The following SHROOM2 variants were observed in gnomAD, a reference collection of about 807,000 sequenced individuals.
SHROOM2 encodes shroom family member 2, also known as protein Shroom2.
A neutral mutation model predicts 75.9 loss-of-function variants in SHROOM2; 33 were observed. That is an observed-to-expected ratio of 0.43 (90% CI 0.33 to 0.58). The LOEUF (loss-of-function observed/expected upper bound fraction) is 0.58, where lower values mean the gene tolerates loss of function less well. Ranked by LOEUF, SHROOM2 falls within the 20% of genes least tolerant of loss-of-function variation. SHROOM2 has a pLI of 0.04. For missense variants in SHROOM2, 1,434 were observed against 1,461.2 expected, an observed-to-expected ratio of 0.98 and a Z score of 0.30; for synonymous variants, 655 against 663.6, an observed-to-expected ratio of 0.99 and a Z score of 0.20.
chrX:9,897,701 G>T (rs866708270), intron 4 of SHROOM2, among the ~76,000 whole-genome samples: 781 of 43,396 alleles, frequency 0.018, 21 homozygotes, highest in African/African-American at 0.055. Flanking sequence ...AAAAAAAAAA[G>T]AACCACTAGT....
At chrX:9,836,042 C>T (rs2083942410) in intron 1 of SHROOM2, among the ~76,000 whole-genome samples, 1 of 112,186 alleles carries the variant, frequency 8.9e-6, no homozygotes, top group Admixed American at 9.5e-5. Context: ...CTTTCCTGAG[C>T]CACGTACAGC....
chrX:9,842,853 G>C (rs2083986612), intron 1 of SHROOM2, among the ~76,000 whole-genome samples: 1 of 111,447 alleles, frequency 9.0e-6, no homozygotes, highest in Admixed American at 9.5e-5. Flanking sequence ...CTTGGGGTTG[G>C]GTGGGGTCTG....
chrX:9,899,637 G>A (rs1342731890), intron 5 of SHROOM2, among the ~76,000 whole-genome samples: 1 of 112,422 alleles, frequency 8.9e-6, no homozygotes, highest in East Asian at 2.8e-4. Context: ...GATATTGTGT[G>A]TGTGCTTGTG....
At chrX:9,818,922 C>A in intron 1 of SHROOM2, 1 of 555,599 alleles carries the variant, frequency 1.8e-6, no homozygotes, top group Non-Finnish European at 3.3e-6. Context: ...CCCAGTCATC[C>A]TCCTCTTCTT....
intron 5 of SHROOM2, among the ~76,000 whole-genome samples, chrX:9,911,424 G>T (rs1379003682): frequency 8.9e-6 from 1 of 112,563 alleles, no homozygotes; most frequent in Non-Finnish European, 1.9e-5. Context: ...GTTATTTGGA[G>T]AAATGAGCAA....
intron 1 of SHROOM2, among the ~76,000 whole-genome samples, chrX:9,799,309 A>G (rs895179795): frequency 9.3e-6 from 1 of 107,988 alleles, no homozygotes; most frequent in East Asian, 2.9e-4. Context: ...CTGGGATTAC[A>G]GGTGCGCCAC....
At chrX:9,851,421 T>TAAC (rs764371321) in intron 1 of SHROOM2, among the ~76,000 whole-genome samples, 65 of 103,898 alleles carry the variant, frequency 6.3e-4, no homozygotes, top group Non-Finnish European at 1.1e-3. Flanking sequence ...AATATGATGG[T>TAAC]AACAATGTTT....
intron 1 of SHROOM2, among the ~76,000 whole-genome samples, chrX:9,792,460 T>TG (rs1306804222): frequency 9.3e-6 from 1 of 107,641 alleles, no homozygotes; most frequent in Non-Finnish European, 1.9e-5. Flanking sequence ...TTGTGTTGTT[T>TG]TTTTTTTTGT....
intron 1 of SHROOM2, among the ~76,000 whole-genome samples, chrX:9,867,962 A>T (rs1259728769): frequency 9.0e-6 from 1 of 110,874 alleles, no homozygotes; most frequent in Non-Finnish European, 1.9e-5. Flanking sequence ...AGCAACTGAC[A>T]GCCCTTTCTG....
intron 1 of SHROOM2, among the ~76,000 whole-genome samples, chrX:9,806,281 G>T (rs1408049204): frequency 9.0e-6 from 1 of 110,521 alleles, no homozygotes; most frequent in Non-Finnish European, 1.9e-5. Flanking sequence ...CAGGCACATC[G>T]CTGGGGCCCA....
intron 1 of SHROOM2, among the ~76,000 whole-genome samples, chrX:9,816,580 C>CCTGCTGCTGCTG (rs112480338): frequency 0.017 from 1,755 of 102,364 alleles, 28 homozygotes; most frequent in African/African-American, 0.035. Context: ...AGCCTTACCC[C>CCTGCTGCTGCTG]CTGCTGCTGC....
At chrX:9,792,094 TA>T (rs2083661079) in intron 1 of SHROOM2, among the ~76,000 whole-genome samples, 3 of 15,020 alleles carry the variant, frequency 2.0e-4, no homozygotes, top group Admixed American at 1.4e-3. Context: ...TAGAATAGAA[TA>T]GAATAGAATA....
intron 1 of SHROOM2, among the ~76,000 whole-genome samples, chrX:9,854,956 T>C (rs2084059453): frequency 1.8e-5 from 2 of 110,812 alleles, no homozygotes; most frequent in African/African-American, 6.6e-5. Flanking sequence ...CGGCAGATGT[T>C]CAGGGCATCT....
At chrX:9,833,773 C>G (rs1272519386) in intron 1 of SHROOM2, among the ~76,000 whole-genome samples, 1 of 111,415 alleles carries the variant, frequency 9.0e-6, no homozygotes, top group Non-Finnish European at 1.9e-5. Context: ...CATTAACTCC[C>G]CAGCTAGAAA....
chrX:9,786,717 C>T lies in SHROOM2; in HGVS notation c.165+7C>T, dbSNP rs2083615371. ...GCCGCTGGTCATCACCAAGGTAAGG[C>T]GGCCGCGGGGCGCGGGCGCTGACAG... On this transcript the variant is annotated splice_region_variant and intron_variant, in intron 1 of 9. Transcript: ENST00000380913. The T allele has an allele frequency of 2.3e-6, 2 of 882,912 alleles. No individual in the cohort carries two copies. The highest frequency in any genetic ancestry group is 2.8e-6 in the Non-Finnish European group (2 of 720,539). 72.8% of individuals were successfully genotyped at this position (882,912 alleles called of 1,213,427 possible).
At chrX:9,827,869 G>A (rs2083896209) in intron 1 of SHROOM2, among the ~76,000 whole-genome samples, 1 of 111,382 alleles carries the variant, frequency 9.0e-6, no homozygotes, top group African/African-American at 3.3e-5. Context: ...CCTAGCAGGT[G>A]CCAGGCTAAA....
chrX:9,792,424 A>C (rs901175029), intron 1 of SHROOM2, among the ~76,000 whole-genome samples: 1 of 107,571 alleles, frequency 9.3e-6, no homozygotes, highest in East Asian at 2.9e-4. Flanking sequence ...TTTTTTCCCC[A>C]GATAAGGAGC....
At chrX:9,927,729 G>T (rs755053514) in intron 5 of SHROOM2, among the ~76,000 whole-genome samples, 1 of 112,384 alleles carries the variant, frequency 8.9e-6, no homozygotes, top group South Asian at 3.7e-4. Flanking sequence ...TGCTTGCAAG[G>T]CCCTGAAGGA....
intron 5 of SHROOM2, among the ~76,000 whole-genome samples, chrX:9,908,849 T>C (rs2084405156): frequency 2.7e-5 from 3 of 109,814 alleles, no homozygotes; most frequent in South Asian, 7.8e-4. Context: ...GGAGGCTGGA[T>C]TGGGAGGATC....
Sources: allele counts gnomAD v4.1 joint callset (sites outside exome capture counted in the v4.1 genomes callset), GRCh38; gene constraint gnomAD v4.1.1; transcripts MANE v1.5; gene names NCBI Gene and HGNC (gene_info 2026-07-23, HGNC 2026-07-21).